NKAIN3: variants seen among roughly 807,000 people sequenced by gnomAD.
NKAIN3 encodes sodium/potassium transporting ATPase interacting 3, also known as sodium/potassium-transporting ATPase subunit beta-1-interacting protein 3.
A neutral mutation model predicts 30.2 loss-of-function variants in NKAIN3; 25 were observed. The ratio of observed to expected loss-of-function variants is 0.83; its 90% CI spans 0.60 to 1.16. The LOEUF (loss-of-function observed/expected upper bound fraction) is 1.16, where lower values mean the gene tolerates loss of function less well. Ranked by LOEUF, NKAIN3 falls within the 50% of genes most tolerant of loss-of-function variation. The pLI, the probability that NKAIN3 is intolerant of heterozygous loss-of-function variation, is 0.00. For missense variants in NKAIN3, 225 were observed against 254.1 expected (o/e 0.89, Z 0.78); for synonymous variants, 91 against 89.6 (o/e 1.02, Z -0.09).
intron 1 of NKAIN3, among the ~76,000 whole-genome samples, chr8:62,579,010 T>C (rs1810209619): frequency 6.6e-6 from 1 of 151,948 alleles, no homozygotes. Flanking sequence ...TCAACAATAA[T>C]TTATCACATA....
chr8:62,547,113 G>A (rs41362445), intron 1 of NKAIN3, among the ~76,000 whole-genome samples: 6,730 of 152,234 alleles, frequency 0.044, 492 homozygotes, highest in African/African-American at 0.15. Context: ...AGTTACAACT[G>A]TGCCCAAAAA....
At chr8:62,614,430 A>G (rs1311001582) in intron 3 of NKAIN3, among the ~76,000 whole-genome samples, 2 of 152,080 alleles carry the variant, frequency 1.3e-5, no homozygotes, top group Non-Finnish European at 1.5e-5. Context: ...CATCACTACT[A>G]TGACTTTGCT....
intron 1 of NKAIN3, among the ~76,000 whole-genome samples, chr8:62,373,271 T>A (rs1816964472): frequency 6.6e-6 from 1 of 152,222 alleles, no homozygotes; most frequent in Non-Finnish European, 1.5e-5. Context: ...TTGATAGCTG[T>A]ACCATCAAAT....
intron 1 of NKAIN3, among the ~76,000 whole-genome samples, chr8:62,477,298 C>A (rs554445020): frequency 1.3e-5 from 2 of 151,980 alleles, no homozygotes; most frequent in South Asian, 2.1e-4. Context: ...TTTTTGGAGC[C>A]CTTTGCCAAA....
At chr8:62,675,229 T>C (rs766750920) in intron 3 of NKAIN3, among the ~76,000 whole-genome samples, 1 of 152,190 alleles carries the variant, frequency 6.6e-6, no homozygotes, top group Non-Finnish European at 1.5e-5. Flanking sequence ...GAAGTGATTT[T>C]TTCCCACCGT....
intron 3 of NKAIN3, among the ~76,000 whole-genome samples, chr8:62,664,919 T>A (rs1007849444): frequency 1.4e-4 from 21 of 152,360 alleles, no homozygotes; most frequent in African/African-American, 5.1e-4. Context: ...ATGACTTAGA[T>A]GAGCTTACGC....
chr8:62,492,172 A>G (rs1807087732), intron 1 of NKAIN3, among the ~76,000 whole-genome samples: 1 of 152,232 alleles, frequency 6.6e-6, no homozygotes, highest in Middle Eastern at 3.4e-3. Flanking sequence ...AGAATGAAGA[A>G]AGAGCCGGGT....
At position 62,594,780 on chromosome 8, in the gene NKAIN3, C is replaced by G. The variant is rs150573357; in HGVS notation, c.273+4986C>G. 1.4e-3 allele frequency among the ~76,000 whole-genome samples: 218 copies of G among 150,958 alleles called. 2 individuals carry two copies. The highest frequency in any genetic ancestry group is 3.9e-3 in the African/African-American group (160 of 40,926). On this transcript the variant is annotated intron_variant, in intron 3 of 6. Coordinates refer to ENST00000623646, the MANE Select transcript of NKAIN3 (RefSeq NM_001304533.3). ...AGATTTTGTTTTCTTTCTTTCTTTT[C>G]CTTCCTTCCTTCCTTCCTCCCTTCC... is the stretch of plus-strand genomic sequence containing the variant.
At chr8:62,358,695 CT>C (rs761321890) in intron 1 of NKAIN3, among the ~76,000 whole-genome samples, 1 of 152,090 alleles carries the variant, frequency 6.6e-6, no homozygotes, top group Non-Finnish European at 1.5e-5. Context: ...AAGAATCGTG[CT>C]TTAAGCTCTA....
At chr8:62,750,895 T>C (rs908098769) in intron 4 of NKAIN3, among the ~76,000 whole-genome samples, 1 of 151,982 alleles carries the variant, frequency 6.6e-6, no homozygotes, top group Non-Finnish European at 1.5e-5. Flanking sequence ...GTTCATATGC[T>C]CATCACTTCT....
intron 6 of NKAIN3, among the ~76,000 whole-genome samples, chr8:62,956,153 A>C (rs748297113): frequency 6.6e-6 from 1 of 152,166 alleles, no homozygotes; most frequent in Non-Finnish European, 1.5e-5. Context: ...AATCTACTTG[A>C]TTTCTTTTAA....
intron 4 of NKAIN3, among the ~76,000 whole-genome samples, chr8:62,793,180 T>A (rs2130676716): frequency 6.6e-6 from 1 of 151,646 alleles, no homozygotes; most frequent in Admixed American, 6.6e-5. Context: ...TTTCAGGTAG[T>A]GGGTGGTTTT....
intron 3 of NKAIN3, among the ~76,000 whole-genome samples, chr8:62,659,461 T>C (rs1347230205): frequency 1.3e-5 from 2 of 152,242 alleles, no homozygotes; most frequent in Non-Finnish European, 2.9e-5. Flanking sequence ...ACATTAAACT[T>C]TATTTTTAAG....
intron 4 of NKAIN3, among the ~76,000 whole-genome samples, chr8:62,862,416 A>G (rs1388848443): frequency 6.6e-6 from 1 of 152,148 alleles, no homozygotes; most frequent in Non-Finnish European, 1.5e-5. Context: ...GTGCACTTAT[A>G]TTTAAAATTA....
chr8:62,769,443 A>G (rs1816949752), intron 4 of NKAIN3, among the ~76,000 whole-genome samples: 1 of 152,168 alleles, frequency 6.6e-6, no homozygotes, highest in Admixed American at 6.5e-5. Flanking sequence ...CACAAATTGG[A>G]GTTCTGTCTA....
At chr8:62,996,126 C>A (rs1170984062) in intron 5 of NKAIN3, among the ~76,000 whole-genome samples, 2 of 151,720 alleles carry the variant, frequency 1.3e-5, no homozygotes, top group African/African-American at 4.8e-5. Context: ...TTTCACACTG[C>A]TAAAAAGATA....
chr8:62,702,954 C>T (rs1275164598), intron 3 of NKAIN3, among the ~76,000 whole-genome samples: 1 of 152,000 alleles, frequency 6.6e-6, no homozygotes, highest in Non-Finnish European at 1.5e-5. Context: ...AAATAAAACC[C>T]ACAGGGAATT....
chr8:62,530,360 G>T (rs1189731295), intron 1 of NKAIN3, among the ~76,000 whole-genome samples: 5 of 152,126 alleles, frequency 3.3e-5, no homozygotes, highest in African/African-American at 1.2e-4. Flanking sequence ...TTAAAAGTTA[G>T]GTCTTTATCC....
intron 4 of NKAIN3, among the ~76,000 whole-genome samples, chr8:62,791,179 A>G (rs1396349592): frequency 6.6e-6 from 1 of 152,110 alleles, no homozygotes; most frequent in Non-Finnish European, 1.5e-5. Flanking sequence ...CCACCCGTTT[A>G]GAGGAAATGC....
Sources: allele counts gnomAD v4.1 joint callset (sites outside exome capture counted in the v4.1 genomes callset), GRCh38; gene constraint gnomAD v4.1.1; transcripts MANE v1.5; gene names NCBI Gene and HGNC (gene_info 2026-07-23, HGNC 2026-07-21).